PEMT: variants seen among roughly 807,000 people sequenced by gnomAD.
The protein encoded by PEMT is phospholipid methyltransferase.
PEMT carries 23 observed loss-of-function variants against 27.4 expected under a neutral mutation model. That is an observed-to-expected ratio of 0.84 (90% CI 0.60 to 1.19). PEMT has a LOEUF of 1.19. PEMT is among the 50% of genes most tolerant of loss of function. The probability of loss-of-function intolerance (pLI) is 0.00; values close to 1 mark genes in which losing one functional copy is unlikely to be tolerated. For synonymous variants in PEMT, 137 were observed against 139.1 expected (o/e 0.98, Z 0.11); for missense variants, 307 against 310.1 (o/e 0.99, Z 0.07).
At position 17,577,386 on chromosome 17, in the gene PEMT, G is replaced by C. The variant is rs1014942324; in HGVS notation, c.97-359C>G. The C allele has an allele frequency of 6.8e-5, 58 of 851,450 alleles. No homozygotes were observed. In the African/African-American group the frequency reaches 9.1e-4, roughly 13 times the overall value. 52.7% of individuals were successfully genotyped at this position (851,450 alleles called of 1,614,324 possible). On this transcript the variant is annotated intron_variant, in intron 1 of 6. Transcript: ENST00000255389. ...CCCCAGAGGAAACCCAAGCAGCTGA[G>C]ATAAATGTGAAGAGATGCTCAACCT... is the stretch of plus-strand genomic sequence containing the variant.
chr17:17,542,960 A>G (rs1908992083), intron 2 of PEMT, among the ~76,000 whole-genome samples: 1 of 152,202 alleles, frequency 6.6e-6, no homozygotes, highest in Admixed American at 6.5e-5. Context: ...GCATGGGGAC[A>G]TCATTCTTCT....
intron 2 of PEMT, among the ~76,000 whole-genome samples, chr17:17,547,391 G>A (rs536271522): frequency 8.2e-4 from 125 of 152,370 alleles, no homozygotes; most frequent in African/African-American, 2.6e-3. Flanking sequence ...TGTCTGTGCC[G>A]CATGGACTCT....
At chr17:17,539,491 T>C (rs1463337644) in intron 2 of PEMT, among the ~76,000 whole-genome samples, 1 of 152,244 alleles carries the variant, frequency 6.6e-6, no homozygotes, top group Non-Finnish European at 1.5e-5. Context: ...GCCTCTGCGA[T>C]GCGCCCAGGG....
chr17:17,552,655 C>G (rs560579121), intron 2 of PEMT, among the ~76,000 whole-genome samples: 1 of 152,368 alleles, frequency 6.6e-6, no homozygotes, highest in South Asian at 2.1e-4. Flanking sequence ...GGAGATGCCC[C>G]TCTCATGGAA....
intron 2 of PEMT, among the ~76,000 whole-genome samples, chr17:17,538,229 C>T (rs911492518): frequency 2.0e-5 from 3 of 152,240 alleles, no homozygotes; most frequent in African/African-American, 4.8e-5. Flanking sequence ...CATCAATACA[C>T]GCTGAGCGGC....
chr17:17,567,740 G>A (rs532776005), intron 2 of PEMT, among the ~76,000 whole-genome samples: 1 of 152,264 alleles, frequency 6.6e-6, no homozygotes, highest in Non-Finnish European at 1.5e-5. Flanking sequence ...GAAGAGACAA[G>A]AGCTGTGCTC....
chr17:17,565,534 A>C (rs1910772942), intron 2 of PEMT, among the ~76,000 whole-genome samples: 1 of 152,224 alleles, frequency 6.6e-6, no homozygotes, highest in African/African-American at 2.4e-5. Context: ...CACGCCTGGC[A>C]GGAAATGGGG....
intron 2 of PEMT, among the ~76,000 whole-genome samples, chr17:17,575,048 G>A (rs1911486222): frequency 2.6e-5 from 4 of 152,196 alleles, no homozygotes; most frequent in Admixed American, 2.0e-4. Context: ...TGCCAACTTA[G>A]GGGCTGAAAA....
intron 2 of PEMT, among the ~76,000 whole-genome samples, chr17:17,542,223 T>C (rs75459764): frequency 0.49 from 73,856 of 151,954 alleles, 18,248 homozygotes; most frequent in Non-Finnish European, 0.54. Context: ...TCAGGTGATC[T>C]ACCCGCCTCA....
At chr17:17,525,000 G>A (rs980666043) in intron 2 of PEMT, among the ~76,000 whole-genome samples, 1 of 152,062 alleles carries the variant, frequency 6.6e-6, no homozygotes, top group African/African-American at 2.4e-5. Context: ...TCAGCTACTC[G>A]GGAGGCTGAG....
At chr17:17,534,900 T>C (rs1908348445) in intron 2 of PEMT, among the ~76,000 whole-genome samples, 1 of 41,052 alleles carries the variant, frequency 2.4e-5, no homozygotes, top group Non-Finnish European at 6.0e-5. Context: ...TAAGGCTATT[T>C]TATTTTATTT....
chr17:17,506,834 T>A (rs1376246492), intron 5 of PEMT, among the ~76,000 whole-genome samples: 1 of 152,218 alleles, frequency 6.6e-6, no homozygotes, highest in Admixed American at 6.5e-5. Flanking sequence ...AGGATCTGGC[T>A]GTGGGGAAGG....
chr17:17,506,416 G>A, intron 5 of PEMT, 115 bp from the exon 6 acceptor site: 1 of 689,268 alleles, frequency 1.5e-6, no homozygotes, highest in Non-Finnish European at 2.4e-6. Context: ...CCGACGCTGG[G>A]CCACTTGGGC....
At chr17:17,591,497 C>T in intron 1 of PEMT, 34 bp downstream of exon 1, 2 of 1,552,776 alleles carry the variant, frequency 1.3e-6, no homozygotes, top group Non-Finnish European at 1.8e-6. Context: ...AGATCCCTCT[C>T]CCAGTTTCCG....
At chr17:17,536,078 T>C (rs1908448057) in intron 2 of PEMT, among the ~76,000 whole-genome samples, 1 of 152,184 alleles carries the variant, frequency 6.6e-6, no homozygotes. Flanking sequence ...CCTGTGCCAC[T>C]GCACTGACTG....
chr17:17,562,821 G>T (rs531664347), intron 2 of PEMT, among the ~76,000 whole-genome samples: 1 of 151,972 alleles, frequency 6.6e-6, no homozygotes, highest in Non-Finnish European at 1.5e-5. Flanking sequence ...GAAAAAAAAA[G>T]AGAGAGAAAT....
At chr17:17,542,866 C>T (rs1271845598) in intron 2 of PEMT, among the ~76,000 whole-genome samples, 1 of 152,226 alleles carries the variant, frequency 6.6e-6, no homozygotes, top group Non-Finnish European at 1.5e-5. Context: ...GGGCCCAAGG[C>T]TGCAGGGAGT....
chr17:17,522,734 C>A (rs188891796), intron 2 of PEMT, among the ~76,000 whole-genome samples: 1 of 152,236 alleles, frequency 6.6e-6, no homozygotes, highest in East Asian at 1.9e-4. Context: ...TGGGGTCTGA[C>A]CTCAGGCCCT....
At chr17:17,587,352 A>G (rs981763754) in intron 1 of PEMT, among the ~76,000 whole-genome samples, 5 of 152,230 alleles carry the variant, frequency 3.3e-5, no homozygotes, top group Non-Finnish European at 7.3e-5. Context: ...TCCTTGCAAG[A>G]CACAACTGTC....
Sources: allele counts gnomAD v4.1 joint callset (sites outside exome capture counted in the v4.1 genomes callset), GRCh38; gene constraint gnomAD v4.1.1; transcripts MANE v1.5; gene names NCBI Gene and HGNC (gene_info 2026-07-23, HGNC 2026-07-21).